Variants in PITPNC1 observed in about 807,000 individuals in gnomAD.
PITPNC1 encodes cytoplasmic phosphatidylinositol transfer protein 1.
A neutral mutation model predicts 44.7 loss-of-function variants in PITPNC1; 18 were observed. The ratio of observed to expected loss-of-function variants is 0.40; its 90% CI spans 0.28 to 0.60. The LOEUF (loss-of-function observed/expected upper bound fraction) is 0.60, where lower values mean the gene tolerates loss of function less well. Among genes scored for constraint, PITPNC1 ranks in the 20% least tolerant of loss-of-function variants. The probability of loss-of-function intolerance (pLI) is 0.39; values close to 1 mark genes in which losing one functional copy is unlikely to be tolerated. For synonymous variants in PITPNC1, 141 were observed against 149.6 expected, an observed-to-expected ratio of 0.94 and a Z score of 0.42; for missense variants, 290 against 418.4, an observed-to-expected ratio of 0.69 and a Z score of 2.68.
At chr17:67,649,792 G>C (rs542083285) in intron 6 of PITPNC1, among the ~76,000 whole-genome samples, 1 of 152,026 alleles carries the variant, frequency 6.6e-6, no homozygotes, top group South Asian at 2.1e-4. Flanking sequence ...TCAATAATTT[G>C]CTAGAAAGGC....
At chr17:67,531,349 G>C (rs1395975604) in intron 1 of PITPNC1, among the ~76,000 whole-genome samples, 1 of 152,220 alleles carries the variant, frequency 6.6e-6, no homozygotes, top group African/African-American at 2.4e-5. Context: ...ACACACACAG[G>C]TACGTGCACA....
chr17:67,654,742 C>T (rs1418249957), intron 6 of PITPNC1, among the ~76,000 whole-genome samples: 7 of 152,176 alleles, frequency 4.6e-5, no homozygotes, highest in South Asian at 2.1e-4. Flanking sequence ...AAGTGATTCT[C>T]CTGCCTCGGT....
In PITPNC1 at chr17:67,425,203, G is replaced by GCGCGCGCA. The variant is rs1370190915; in HGVS notation, c.48+47002_48+47003insGCGCGCAC. Among the ~76,000 whole-genome samples, 125 of 98,814 alleles carry GCGCGCGCA rather than the reference G, an allele frequency of 1.3e-3. 9 individuals are homozygous for GCGCGCGCA. Among genetic ancestry groups the GCGCGCGCA allele is most frequent in the East Asian group, 2.2e-3 (6 of 2,756 alleles). The allele number at this position is 98,814 out of a possible 152,430, so 64.8% of individuals were successfully genotyped here. On this transcript the variant is annotated intron_variant, in intron 1 of 8. Transcript: ENST00000581322. ...CCATGTTGTGCGCGCGCACGCACAC[G>GCGCGCGCA]CACACACACACACACACACACACAC... is the stretch of plus-strand genomic sequence containing the variant.
chr17:67,464,329 G>T (rs2039391544), intron 1 of PITPNC1, among the ~76,000 whole-genome samples: 1 of 152,148 alleles, frequency 6.6e-6, no homozygotes, highest in Non-Finnish European at 1.5e-5. Context: ...GATCTTTTGA[G>T]CATCTAACAT....
chr17:67,460,740 C>CTTTT (rs138545288), intron 1 of PITPNC1, among the ~76,000 whole-genome samples: 62 of 121,526 alleles, frequency 5.1e-4, no homozygotes, highest in East Asian at 3.4e-3. Flanking sequence ...TTCTTTCTTT[C>CTTTT]TTTTTTTTTT....
rs2042969948 is a variant in PITPNC1, at chr17:67,693,864, C to A, written c.*976C>A. The A allele has an allele frequency of 6.6e-6, 1 of 152,198 alleles. No homozygotes were observed. The highest frequency in any genetic ancestry group is 2.1e-4 in the South Asian group (1 of 4,830). 9.4% of individuals were successfully genotyped at this position (152,198 alleles called of 1,614,324 possible). ...AAGAGAACTGTCTCCCATCCCCTTC[C>A]TTGTTTTACTCTTAGTAACATCCAG... is the stretch of plus-strand genomic sequence containing the variant. On this transcript the variant is annotated 3_prime_UTR_variant, in exon 9 of 9. Coordinates refer to ENST00000581322, the MANE Select transcript of PITPNC1 (RefSeq NM_012417.4).
intron 1 of PITPNC1, among the ~76,000 whole-genome samples, chr17:67,480,955 C>A (rs536762372): frequency 1.3e-5 from 2 of 152,230 alleles, no homozygotes; most frequent in East Asian, 3.9e-4. Flanking sequence ...GCCTGTAATC[C>A]CAGCAATTTG....
chr17:67,585,129 A>C (rs1220540111), intron 5 of PITPNC1, among the ~76,000 whole-genome samples: 2 of 150,994 alleles, frequency 1.3e-5, no homozygotes, highest in Admixed American at 6.6e-5. Flanking sequence ...AAAAAAAAAA[A>C]AAAAAAACCA....
chr17:67,447,905 T>A (rs1371602357), intron 1 of PITPNC1, among the ~76,000 whole-genome samples: 2 of 151,912 alleles, frequency 1.3e-5, no homozygotes, highest in African/African-American at 4.8e-5. Context: ...TTTCTTTCTT[T>A]CTTTCTCTCT....
intron 1 of PITPNC1, among the ~76,000 whole-genome samples, chr17:67,409,892 AT>A (rs2038466406): frequency 6.6e-6 from 1 of 152,208 alleles, no homozygotes; most frequent in African/African-American, 2.4e-5. Flanking sequence ...TAAATCTGCC[AT>A]GATGTATTTA....
intron 1 of PITPNC1, among the ~76,000 whole-genome samples, chr17:67,485,097 T>G (rs1157143829): frequency 2.6e-5 from 4 of 152,120 alleles, no homozygotes; most frequent in Non-Finnish European, 5.9e-5. Context: ...TAAGGAGTGG[T>G]AGAGCCAGGA....
intron 5 of PITPNC1, among the ~76,000 whole-genome samples, chr17:67,615,451 C>T (rs2041745426): frequency 6.6e-6 from 1 of 152,192 alleles, no homozygotes; most frequent in South Asian, 2.1e-4. Context: ...GCCTCCTTGT[C>T]TTTCGATGCC....
intron 2 of PITPNC1, among the ~76,000 whole-genome samples, chr17:67,544,998 C>T (rs1386861170): frequency 1.3e-5 from 2 of 152,062 alleles, no homozygotes; most frequent in Non-Finnish European, 2.9e-5. Flanking sequence ...TATACAAAGA[C>T]AATATTTAGT....
At chr17:67,484,993 G>A (rs2949925) in intron 1 of PITPNC1, among the ~76,000 whole-genome samples, 10,849 of 152,104 alleles carry the variant, frequency 0.071, 429 homozygotes, top group East Asian at 0.13. Context: ...ACTCTTGATC[G>A]TTGTGCCAAG....
rs376156556 is a variant in PITPNC1, at chr17:67,472,503, C to T, written c.49-60299C>T. On this transcript the variant is annotated intron_variant, in intron 1 of 8. Coordinates refer to ENST00000581322, the MANE Select transcript of PITPNC1 (RefSeq NM_012417.4). Reference sequence around the variant, plus strand: ...TCTACTAAAAATAGAAAAAATTAGCCGGGCGTGGTGGTGGGCGCCTGTAGT... The same window carrying T: ...TCTACTAAAAATAGAAAAAATTAGCTGGGCGTGGTGGTGGGCGCCTGTAGT... 1.8e-4 allele frequency among the ~76,000 whole-genome samples: 27 copies of T among 151,440 alleles called. No homozygotes were observed. In the South Asian group the frequency reaches 2.7e-3, roughly 15 times the overall value.
chr17:67,552,467 CT>C (rs572329156), intron 3 of PITPNC1, 122 bp downstream of exon 3: 29,530 of 454,434 alleles, frequency 0.065, no homozygotes, highest in South Asian at 0.094. Flanking sequence ...TAGTATCCCT[CT>C]TTTTTTTTTT....
intron 5 of PITPNC1, among the ~76,000 whole-genome samples, chr17:67,578,868 G>A (rs1392439473): frequency 1.3e-5 from 2 of 152,214 alleles, no homozygotes; most frequent in African/African-American, 4.8e-5. Context: ...AGTAATCCCA[G>A]CTACTTGGGA....
intron 5 of PITPNC1, among the ~76,000 whole-genome samples, chr17:67,587,791 C>T (rs2144250701): frequency 6.6e-6 from 1 of 152,330 alleles, no homozygotes; most frequent in East Asian, 1.9e-4. Context: ...GATCTAATTT[C>T]TCCCCCTGGG....
intron 1 of PITPNC1, among the ~76,000 whole-genome samples, chr17:67,412,724 G>A (rs890222029): frequency 3.9e-5 from 6 of 151,916 alleles, no homozygotes; most frequent in Non-Finnish European, 5.9e-5. Flanking sequence ...CCACCACCAC[G>A]CCTGGCTAAT....
Sources: allele counts gnomAD v4.1 joint callset (sites outside exome capture counted in the v4.1 genomes callset), GRCh38; gene constraint gnomAD v4.1.1; transcripts MANE v1.5; gene names NCBI Gene and HGNC (gene_info 2026-07-23, HGNC 2026-07-21).